RELN: variants seen among roughly 807,000 people sequenced by gnomAD.
RELN encodes the protein reelin.
RELN carries 108 observed loss-of-function variants against 427.6 expected under a neutral mutation model. The observed-to-expected ratio is 0.25, with a 90% CI of 0.22 to 0.30. The LOEUF is 0.30. Among genes scored for constraint, RELN ranks in the 10% least tolerant of loss-of-function variants. RELN has a pLI of 1.00. For missense variants in RELN, 3,715 were observed against 4,302.8 expected (o/e 0.86, Z 3.82); for synonymous variants, 1,524 against 1,513.4 (o/e 1.01, Z -0.16).
intron 60 of RELN, among the ~76,000 whole-genome samples, chr7:103,488,311 A>G (rs547551738): frequency 1.6e-4 from 24 of 152,232 alleles, no homozygotes; most frequent in African/African-American, 5.5e-4. Flanking sequence ...TAAACAGTAC[A>G]TTTTTTCTAC....
chr7:103,962,646 TTGTGTGTGTGTG>T (rs57782980), intron 1 of RELN, among the ~76,000 whole-genome samples: 44 of 149,924 alleles, frequency 2.9e-4, no homozygotes, highest in African/African-American at 9.6e-4. Flanking sequence ...TCCAAAGTTG[TTGTGTGTGTGTG>T]TGTGTGTGTG....
rs1362358556 is a variant in RELN at position 103,520,954 on chromosome 7, GTTATTTTTTTTTTT to G, written c.7668+1054_7668+1067del. Among the ~76,000 whole-genome samples, 19 of 78,214 alleles carry G rather than the reference GTTATTTTTTTTTTT, an allele frequency of 2.4e-4. 1 individual carries two copies. In the South Asian group the frequency reaches 8.3e-3, roughly 34 times the overall value. The allele number at this position is 78,214 out of a possible 152,430, so 51.3% of individuals were successfully genotyped here. On this transcript the variant is annotated intron_variant, in intron 48 of 64. Coordinates refer to ENST00000428762, the MANE Select transcript of RELN (RefSeq NM_005045.4). ...GAAATAAAGAGCTGGCAGTAAATTT[GTTATTTTTTTTTTT>G]TTTTTTTTTTTTTTTTTTTGAGACG...
At chr7:103,935,105 T>C (rs1795951760) in intron 1 of RELN, among the ~76,000 whole-genome samples, 1 of 152,228 alleles carries the variant, frequency 6.6e-6, no homozygotes, top group Non-Finnish European at 1.5e-5. Flanking sequence ...GACATTTATC[T>C]GTATCCCAAG....
At chr7:103,683,316 A>C (rs561839261) in intron 10 of RELN, among the ~76,000 whole-genome samples, 1 of 152,150 alleles carries the variant, frequency 6.6e-6, no homozygotes, top group Admixed American at 6.6e-5. Context: ...AGGCATTAAA[A>C]AATGTTTGTT....
intron 20 of RELN, among the ~76,000 whole-genome samples, chr7:103,613,146 T>C (rs745309755): frequency 2.6e-5 from 4 of 152,236 alleles, no homozygotes; most frequent in Non-Finnish European, 5.9e-5. Context: ...GGAATAATTA[T>C]TTCTTTTTAA....
chr7:103,666,157 TG>T (rs1433775515), intron 11 of RELN, among the ~76,000 whole-genome samples: 4 of 152,054 alleles, frequency 2.6e-5, no homozygotes, highest in Admixed American at 2.6e-4. Context: ...CTTAACGTCT[TG>T]GGCTCAAGCG....
At chr7:103,727,063 A>G (rs1295454334) in intron 7 of RELN, among the ~76,000 whole-genome samples, 1 of 152,176 alleles carries the variant, frequency 6.6e-6, no homozygotes, top group African/African-American at 2.4e-5. Context: ...ATCATAAAAT[A>G]AGAACCATCT....
chr7:103,964,900 T>G (rs1435723599), intron 1 of RELN, among the ~76,000 whole-genome samples: 5 of 152,178 alleles, frequency 3.3e-5, no homozygotes, highest in Non-Finnish European at 5.9e-5. Flanking sequence ...GCTCCCCCAG[T>G]TAGGTGAGAA....
intron 20 of RELN, among the ~76,000 whole-genome samples, chr7:103,617,566 ATGTG>A (rs112297534): frequency 1.7e-4 from 26 of 151,542 alleles, no homozygotes; most frequent in Non-Finnish European, 2.8e-4. Context: ...ATGTATATAT[ATGTG>A]TGTATATATA....
chr7:103,505,321 C>T (rs764985539), intron 51 of RELN, among the ~76,000 whole-genome samples: 21 of 152,238 alleles, frequency 1.4e-4, no homozygotes, highest in African/African-American at 3.4e-4. Context: ...AGGAGAGCTC[C>T]GGCTGGCATC....
chr7:103,622,034 A>G (rs1444449086), intron 20 of RELN, among the ~76,000 whole-genome samples: 1 of 152,084 alleles, frequency 6.6e-6, no homozygotes, highest in Non-Finnish European at 1.5e-5. Context: ...AAAAATAAAA[A>G]TAATTGTCTC....
Position 103,557,094 on chromosome 7 carries a change from G to T in RELN, c.5680C>A (p.Leu1894Met). 1 of 1,613,550 alleles carries T rather than the reference G, an allele frequency of 6.2e-7. No homozygotes were observed. The highest frequency in any genetic ancestry group is 8.5e-7 in the Non-Finnish European group (1 of 1,179,472). Residue 1894 changes from leucine to methionine, a missense_variant, in exon 38 of 65, where the codon CTG (leucine) becomes ATG (methionine). Leu to Met is a conservative substitution (Grantham distance 15). Transcript: ENST00000428762. ...FSISGGITWH[L>M]MDEFYFPQTT... ...TGAGGAAAGTAAAATTCATCCATCA[G>T]GTGCCAAGTGATTCCTCCACTGATG...
intron 8 of RELN, among the ~76,000 whole-genome samples, chr7:103,721,436 T>C (rs1380554482): frequency 1.3e-5 from 2 of 152,168 alleles, no homozygotes; most frequent in African/African-American, 2.4e-5. Flanking sequence ...CCCTGGTGCT[T>C]GCTATGGGTT....
chr7:103,543,733 G>A (rs896850559), intron 42 of RELN, among the ~76,000 whole-genome samples: 5 of 113,560 alleles, frequency 4.4e-5, no homozygotes, highest in South Asian at 4.9e-4. Context: ...CTCCGATTTC[G>A]TTTATTTATT....
At chr7:103,497,476 C>G (rs1828876386) in intron 55 of RELN, among the ~76,000 whole-genome samples, 1 of 152,116 alleles carries the variant, frequency 6.6e-6, no homozygotes, top group Admixed American at 6.5e-5. Flanking sequence ...TACACATAAG[C>G]TGTTAAAAAT....
chr7:103,618,013 G>A (rs1332946025), intron 20 of RELN, among the ~76,000 whole-genome samples: 4 of 152,098 alleles, frequency 2.6e-5, no homozygotes, highest in Non-Finnish European at 4.4e-5. Flanking sequence ...CCTCACCACA[G>A]GCAAATGTCG....
chr7:103,541,577 T>C (rs1156325928), intron 43 of RELN, among the ~76,000 whole-genome samples: 1 of 152,202 alleles, frequency 6.6e-6, no homozygotes, highest in Non-Finnish European at 1.5e-5. Flanking sequence ...CTTTTAACAT[T>C]GGAGTAATGA....
chr7:103,881,994 A>ATCAG (rs1453476245), intron 2 of RELN, among the ~76,000 whole-genome samples: 2 of 152,276 alleles, frequency 1.3e-5, no homozygotes, highest in East Asian at 3.9e-4. Context: ...GAATCAATCA[A>ATCAG]TCAGTCAAAC....
chr7:103,778,922 A>G (rs1447514074), intron 3 of RELN, among the ~76,000 whole-genome samples: 2 of 152,200 alleles, frequency 1.3e-5, no homozygotes, highest in Non-Finnish European at 2.9e-5. Flanking sequence ...AAATCTTGCT[A>G]TCGTGCTTCT....
Sources: gnomAD v4.1 joint callset for allele counts (sites outside exome capture counted in the v4.1 genomes callset) on GRCh38, gnomAD v4.1.1 for gene constraint, MANE v1.5 for transcripts, NCBI Gene and HGNC (gene_info 2026-07-23, HGNC 2026-07-21) for gene names.